The following PRKCQ variants were observed in gnomAD, a reference collection of about 807,000 sequenced individuals.
PRKCQ encodes the protein protein kinase C theta.
In PRKCQ, 41 loss-of-function variants were observed where a neutral mutation model predicts 91.2. That is an observed-to-expected ratio of 0.45 (90% confidence interval 0.35 to 0.58). The LOEUF is 0.58. Among genes scored for constraint, PRKCQ ranks in the 20% least tolerant of loss-of-function variants. PRKCQ has a pLI of 0.00. For synonymous variants in PRKCQ, 307 were observed against 316.9 expected (o/e 0.97, Z 0.33); for missense variants, 673 against 896.5 (o/e 0.75, Z 3.18).
the PRKCQ span, among the ~76,000 whole-genome samples, chr10:6,395,202 T>C: frequency 7.9e-5 from 12 of 151,930 alleles, no homozygotes; most frequent in Non-Finnish European, 1.6e-4. Flanking sequence ...TAGCTGGGAC[T>C]ACAGGTGCCT....
At chr10:6,528,003 G>A (rs1839258615) in intron 1 of PRKCQ, among the ~76,000 whole-genome samples, 1 of 152,122 alleles carries the variant, frequency 6.6e-6, no homozygotes. Context: ...GGTGCATAAT[G>A]GATTTGTTCC....
intron 1 of PRKCQ, among the ~76,000 whole-genome samples, chr10:6,521,922 GTTATTTAT>G (rs71379861): frequency 3.5e-4 from 22 of 63,262 alleles, no homozygotes; most frequent in South Asian, 1.5e-3. Flanking sequence ...GTTATGTTAT[GTTATTTAT>G]TTATTTATTT....
intron 1 of PRKCQ, among the ~76,000 whole-genome samples, chr10:6,550,463 G>A (rs375256788): frequency 4.3e-4 from 65 of 152,278 alleles, no homozygotes; most frequent in African/African-American, 1.5e-3. Flanking sequence ...TAGTAAAGAT[G>A]GGATTTTGCC....
chr10:6,521,209 C>T (rs952083857), intron 1 of PRKCQ, among the ~76,000 whole-genome samples: 1 of 152,156 alleles, frequency 6.6e-6, no homozygotes, highest in Admixed American at 6.5e-5. Flanking sequence ...AGCTGATCCC[C>T]CTGTCTGATA....
intron 17 of PRKCQ, among the ~76,000 whole-genome samples, chr10:6,429,385 T>C (rs1332025029): frequency 2.0e-5 from 3 of 152,222 alleles, no homozygotes; most frequent in Admixed American, 6.5e-5. Context: ...TCACAAGTAA[T>C]TAGAGTGCTT....
At chr10:6,469,746 C>T (rs1246186163) in intron 12 of PRKCQ, among the ~76,000 whole-genome samples, 1 of 152,106 alleles carries the variant, frequency 6.6e-6, no homozygotes, top group African/African-American at 2.4e-5. Flanking sequence ...TAACCTCTAC[C>T]ACCCCTCCCT....
At chr10:6,398,379 T>A in the PRKCQ span, among the ~76,000 whole-genome samples, 2 of 152,270 alleles carry the variant, frequency 1.3e-5, no homozygotes, top group African/African-American at 4.8e-5. Flanking sequence ...CTGTTTGTCA[T>A]ATAATTTGAC....
At chr10:6,445,660 T>C (rs1834243712) in intron 15 of PRKCQ, among the ~76,000 whole-genome samples, 1 of 152,224 alleles carries the variant, frequency 6.6e-6, no homozygotes, top group Admixed American at 6.5e-5. Flanking sequence ...ATGTTACTGA[T>C]TTCCAATATA....
At chr10:6,436,213 C>G (rs1282729855) in intron 16 of PRKCQ, among the ~76,000 whole-genome samples, 1 of 152,222 alleles carries the variant, frequency 6.6e-6, no homozygotes, top group Non-Finnish European at 1.5e-5. Context: ...TTATTTTCTT[C>G]TCTTGTGGCA....
intron 1 of PRKCQ, among the ~76,000 whole-genome samples, chr10:6,541,456 C>T (rs1839771921): frequency 6.6e-6 from 1 of 152,184 alleles, no homozygotes; most frequent in Non-Finnish European, 1.5e-5. Flanking sequence ...CTATGACCTG[C>T]CCCTAAAGAC....
intron 16 of PRKCQ, among the ~76,000 whole-genome samples, chr10:6,438,206 T>C (rs1487533717): frequency 6.6e-6 from 1 of 152,236 alleles, no homozygotes; most frequent in African/African-American, 2.4e-5. Context: ...ACTTCTCAGA[T>C]TCAAGATCTT....
the PRKCQ span, among the ~76,000 whole-genome samples, chr10:6,418,457 T>C: frequency 6.6e-6 from 1 of 152,068 alleles, no homozygotes; most frequent in Non-Finnish European, 1.5e-5. Flanking sequence ...GTTTCCATCC[T>C]TTCCTCCCCT....
chr10:6,450,053 A>G (rs1024485133), intron 15 of PRKCQ, among the ~76,000 whole-genome samples: 1 of 150,214 alleles, frequency 6.7e-6, no homozygotes, highest in African/African-American at 2.5e-5. Flanking sequence ...AGCTAACATC[A>G]TAATGACAGG....
chr10:6,441,870 A>G, intron 16 of PRKCQ, 23 bp downstream of exon 16: 13 of 1,576,686 alleles, frequency 8.2e-6, no homozygotes, highest in Non-Finnish European at 1.0e-5. Flanking sequence ...TCTTATGAAG[A>G]CGCTCTTGGC....
At chr10:6,561,369 C>CAAAAAAAAAAAAAAAAAAAAAAAAAAA (rs3086735) in intron 1 of PRKCQ, among the ~76,000 whole-genome samples, 1 of 82,638 alleles carries the variant, frequency 1.2e-5, no homozygotes. Flanking sequence ...GACCCTGTCT[C>CAAAAAAAAAAAAAAAAAAAAAAAAAAA]AAAAAAAAAA....
intron 5 of PRKCQ, 84 bp downstream of exon 5, chr10:6,498,312 G>A: frequency 6.6e-7 from 1 of 1,515,478 alleles, no homozygotes. Flanking sequence ...ACCCCCCACA[G>A]TGGAGCATGC....
At chr10:6,403,110 G>A in the PRKCQ span, among the ~76,000 whole-genome samples, 5 of 152,134 alleles carry the variant, frequency 3.3e-5, no homozygotes. Context: ...CAATCAACAT[G>A]CAGGGCAAGG....
chr10:6,463,118 G>A (rs1054524300), intron 13 of PRKCQ, among the ~76,000 whole-genome samples: 1 of 152,224 alleles, frequency 6.6e-6, no homozygotes, highest in Non-Finnish European at 1.5e-5. Flanking sequence ...AGAACTAGCT[G>A]GTTTATTTTC....
chr10:6,513,568 T>C (rs1415048320), intron 2 of PRKCQ, among the ~76,000 whole-genome samples: 1 of 152,138 alleles, frequency 6.6e-6, no homozygotes, highest in Non-Finnish European at 1.5e-5. Flanking sequence ...TCAGACGTTT[T>C]ACACTTCAAA....
Sources: gnomAD v4.1 joint callset for allele counts (sites outside exome capture counted in the v4.1 genomes callset) on GRCh38, gnomAD v4.1.1 for gene constraint, MANE v1.5 for transcripts, NCBI Gene and HGNC (gene_info 2026-07-23, HGNC 2026-07-21) for gene names.